The following RASSF8 variants were observed in gnomAD, a reference collection of about 807,000 sequenced individuals.
RASSF8 encodes the protein ras association domain-containing protein 8.
A neutral mutation model predicts 48.5 loss-of-function variants in RASSF8; 22 were observed. That is an observed-to-expected ratio of 0.45 (90% CI 0.32 to 0.65). The LOEUF is 0.65. Among genes scored for constraint, RASSF8 ranks in the 30% least tolerant of loss-of-function variants. RASSF8 has a pLI of 0.03. For missense variants in RASSF8, 418 were observed against 489.2 expected, an observed-to-expected ratio of 0.85 and a Z score of 1.37; for synonymous variants, 127 against 171.5, an observed-to-expected ratio of 0.74 and a Z score of 2.03.
intron 1 of RASSF8, among the ~76,000 whole-genome samples, chr12:25,977,298 T>G (rs1941629491): frequency 6.6e-6 from 1 of 152,192 alleles, no homozygotes; most frequent in African/African-American, 2.4e-5. Flanking sequence ...GATTCATCCT[T>G]GTTGGGCTGT....
downstream of RASSF8, among the ~76,000 whole-genome samples, chr12:26,074,267 A>G (rs1297097364): frequency 1.3e-5 from 2 of 152,176 alleles, no homozygotes; most frequent in Admixed American, 6.5e-5. Flanking sequence ...GGATGCGTTT[A>G]TACTTTCTAC....
chr12:26,077,158 T>C (rs1203809733), downstream of RASSF8, among the ~76,000 whole-genome samples: 1 of 152,242 alleles, frequency 6.6e-6, no homozygotes, highest in South Asian at 2.1e-4. Context: ...ATTCTGGATA[T>C]TAGCCCTTTG....
chr12:26,017,267 T>C (rs535789213), intron 2 of RASSF8, among the ~76,000 whole-genome samples: 27 of 152,314 alleles, frequency 1.8e-4, no homozygotes, highest in Non-Finnish European at 3.4e-4. Context: ...TGGATATCAA[T>C]CTTTGTCCAA....
Position 26,065,565 on chromosome 12 carries a change from C to A in RASSF8, c.993+178C>A, listed in dbSNP as rs368575171. Among the ~76,000 whole-genome samples, 12 of 152,290 alleles carry A rather than the reference C, an allele frequency of 7.9e-5. No individual in the cohort carries two copies. In the East Asian group the frequency reaches 9.6e-4, roughly 12 times the overall value. The stretch of plus-strand genomic sequence containing the variant: ...AGCTTAGATGGGAGCAGTAGCCTTG[C>A]GGATCCTTCTCCATGGAAGAGCCTT... On this transcript the variant is annotated intron_variant, in intron 4 of 5. Coordinates refer to ENST00000689635, the MANE Select transcript of RASSF8 (RefSeq NM_001394098.1).
intron 2 of RASSF8, among the ~76,000 whole-genome samples, chr12:26,035,746 G>A (rs1045891963): frequency 9.2e-5 from 13 of 141,150 alleles, no homozygotes; most frequent in African/African-American, 3.4e-4. Flanking sequence ...AGCCCAAGTA[G>A]CATATAATAC....
intron 1 of RASSF8, among the ~76,000 whole-genome samples, chr12:25,967,360 T>C (rs949784918): frequency 1.3e-5 from 2 of 152,244 alleles, no homozygotes; most frequent in African/African-American, 4.8e-5. Context: ...CTTATCCCTT[T>C]TAACTAATCT....
At chr12:26,016,222 A>G (rs199986305) in intron 2 of RASSF8, among the ~76,000 whole-genome samples, 1 of 126,570 alleles carries the variant, frequency 7.9e-6, no homozygotes, top group Non-Finnish European at 1.7e-5. Flanking sequence ...TTTTTTTTTT[A>G]TTTGTTTGTT....
chr12:26,033,590 C>T (rs1943071976), intron 2 of RASSF8, among the ~76,000 whole-genome samples: 2 of 151,712 alleles, frequency 1.3e-5, no homozygotes, highest in South Asian at 4.2e-4. Context: ...GTTCTGCAAA[C>T]ACTGTTGGGT....
intron 1 of RASSF8, among the ~76,000 whole-genome samples, chr12:25,968,561 C>G (rs1191565210): frequency 2.6e-5 from 4 of 152,164 alleles, no homozygotes; most frequent in Non-Finnish European, 5.9e-5. Flanking sequence ...CCAGGCTGGT[C>G]TGAAACTCCT....
chr12:26,010,682 T>G (rs1048091781), intron 2 of RASSF8, among the ~76,000 whole-genome samples: 2 of 152,198 alleles, frequency 1.3e-5, no homozygotes, highest in African/African-American at 4.8e-5. Flanking sequence ...TCAGTCACTT[T>G]AAGGAATAGG....
rs953815219 is a variant in RASSF8 at position 26,071,187 on chromosome 12, GAAA to G, written c.*2374_*2376del. Reference sequence around the variant, plus strand: ...AGGAATATTTTCTAAGACTCAGAGGGAAAAAAACTCGTTTTCATAGGATCATCT... The same window carrying G: ...AGGAATATTTTCTAAGACTCAGAGGGAAAACTCGTTTTCATAGGATCATCT... On this transcript the variant is annotated 3_prime_UTR_variant, in exon 6 of 6. Coordinates refer to ENST00000689635, the MANE Select transcript of RASSF8 (RefSeq NM_001394098.1). 3.1e-6 allele frequency: 3 copies of G among 978,914 alleles called. No individual in the cohort carries two copies. The highest frequency in any genetic ancestry group is 3.6e-6 in the Non-Finnish European group (3 of 824,142). 60.6% of individuals were successfully genotyped at this position (978,914 alleles called of 1,614,324 possible).
intron 2 of RASSF8, among the ~76,000 whole-genome samples, chr12:26,023,864 T>C (rs1013627411): frequency 6.6e-6 from 1 of 152,106 alleles, no homozygotes; most frequent in East Asian, 1.9e-4. Flanking sequence ...AGATGATAGG[T>C]GATGCAAAGA....
chr12:26,002,058 G>C (rs777168032), intron 2 of RASSF8, among the ~76,000 whole-genome samples: 1 of 152,178 alleles, frequency 6.6e-6, no homozygotes, highest in Non-Finnish European at 1.5e-5. Context: ...AATCTAATGG[G>C]GCTATATGTG....
chr12:26,005,232 G>A (rs1298860285), intron 2 of RASSF8, among the ~76,000 whole-genome samples: 1 of 151,780 alleles, frequency 6.6e-6, no homozygotes, highest in Non-Finnish European at 1.5e-5. Flanking sequence ...AGATTGATTT[G>A]TTTAATTGCC....
At chr12:25,976,322 C>T (rs1941604184) in intron 1 of RASSF8, among the ~76,000 whole-genome samples, 1 of 152,210 alleles carries the variant, frequency 6.6e-6, no homozygotes, top group Non-Finnish European at 1.5e-5. Context: ...ATACTGAGTG[C>T]AGGTGGAGTC....
At chr12:25,964,854 T>C (rs550971352) in intron 1 of RASSF8, among the ~76,000 whole-genome samples, 10 of 152,326 alleles carry the variant, frequency 6.6e-5, no homozygotes, top group African/African-American at 1.2e-4. Context: ...CAGAATATCT[T>C]ATAGTAGTTT....
At chr12:26,076,084 C>T (rs114358856), downstream of RASSF8, among the ~76,000 whole-genome samples, 392 of 152,062 alleles carry the variant, frequency 2.6e-3, 3 homozygotes, top group African/African-American at 9.2e-3. Context: ...AAACAATTTC[C>T]CATCAATATG....
At chr12:26,076,012 C>A (rs1206215005), downstream of RASSF8, among the ~76,000 whole-genome samples, 1 of 152,104 alleles carries the variant, frequency 6.6e-6, no homozygotes, top group Admixed American at 6.5e-5. Context: ...CTAAAAAGGT[C>A]TTTTTATTGA....
chr12:25,992,889 A>T (rs761418502), intron 1 of RASSF8, among the ~76,000 whole-genome samples: 1 of 152,214 alleles, frequency 6.6e-6, no homozygotes, highest in Non-Finnish European at 1.5e-5. Flanking sequence ...CAGTTACCTG[A>T]CAAAAGAAGG....
Sources: gnomAD v4.1 joint callset for allele counts (sites outside exome capture counted in the v4.1 genomes callset) on GRCh38, gnomAD v4.1.1 for gene constraint, MANE v1.5 for transcripts, NCBI Gene and HGNC (gene_info 2026-07-23, HGNC 2026-07-21) for gene names.